The following BLOC1S3 variants were observed in gnomAD, a reference collection of about 807,000 sequenced individuals.
BLOC1S3 encodes the protein biogenesis of lysosome-related organelles complex 1 subunit 3.
BLOC1S3 carries 7 observed loss-of-function variants against 9.1 expected under a neutral mutation model. The ratio of observed to expected loss-of-function variants is 0.77; its 90% confidence interval spans 0.44 to 1.45. The LOEUF is 1.45. Ranked by LOEUF, BLOC1S3 falls within the 40% of genes most tolerant of loss-of-function variation. The pLI is 0.01. For synonymous variants in BLOC1S3, 145 were observed against 158.4 expected (o/e 0.92, Z 0.64); for missense variants, 307 against 315.2 (o/e 0.97, Z 0.20).
At chr19:45,195,443 G>A (rs62118473) in intron 2 of BLOC1S3, among the ~76,000 whole-genome samples, 35,275 of 151,932 alleles carry the variant, frequency 0.23, 4,795 homozygotes, top group Non-Finnish European at 0.3. Flanking sequence ...CTGCACTCAA[G>A]TGATCCGCCC....
intron 2 of BLOC1S3, among the ~76,000 whole-genome samples, chr19:45,197,879 GA>G (rs1438506392): frequency 7.0e-6 from 1 of 143,096 alleles, no homozygotes; most frequent in Non-Finnish European, 1.5e-5. Flanking sequence ...GGGAGTCCAT[GA>G]AAAATCTCTA....
intron 3 of BLOC1S3, chr19:45,212,953 G>A (rs1969791237): frequency 1.3e-5 from 16 of 1,204,104 alleles, no homozygotes; most frequent in Non-Finnish European, 1.6e-5. Context: ...ACATCTAAGG[G>A]TCTTTCTATC....
intron 2 of BLOC1S3, among the ~76,000 whole-genome samples, chr19:45,192,239 G>A (rs997535720): frequency 4.6e-5 from 7 of 152,110 alleles, no homozygotes; most frequent in African/African-American, 1.2e-4. Context: ...GGCTACTGCC[G>A]GTGTTCATTT....
intron 2 of BLOC1S3, among the ~76,000 whole-genome samples, chr19:45,192,408 C>G (rs1969612842): frequency 6.6e-6 from 1 of 152,164 alleles, no homozygotes; most frequent in South Asian, 2.1e-4. Context: ...ACTTGGTGCT[C>G]TACTCCACTG....
intron 3 of BLOC1S3, among the ~76,000 whole-genome samples, chr19:45,204,600 T>G (rs1457394431): frequency 6.6e-6 from 1 of 152,202 alleles, no homozygotes; most frequent in Non-Finnish European, 1.5e-5. Context: ...AGATGGCGTC[T>G]TACATGTCTG....
chr19:45,182,578 C>T (rs1377555544), downstream of BLOC1S3, among the ~76,000 whole-genome samples: 1 of 152,076 alleles, frequency 6.6e-6, no homozygotes, highest in Non-Finnish European at 1.5e-5. Flanking sequence ...GCAGGAGAAT[C>T]GCTTGAGCCC....
At chr19:45,205,073 A>G (rs1286073452) in intron 3 of BLOC1S3, among the ~76,000 whole-genome samples, 4 of 152,086 alleles carry the variant, frequency 2.6e-5, no homozygotes, top group Non-Finnish European at 5.9e-5. Flanking sequence ...TAATAATTGC[A>G]TTGACTCTAA....
At chr19:45,216,168 G>C (rs34958174) in intron 3 of BLOC1S3, 3 of 1,613,856 alleles carry the variant, frequency 1.9e-6, no homozygotes, top group Admixed American at 3.3e-5. Context: ...GGGGCACCAC[G>C]GCATCCAGCC....
downstream of BLOC1S3, among the ~76,000 whole-genome samples, chr19:45,185,154 A>G (rs1333892087): frequency 6.6e-6 from 1 of 151,996 alleles, no homozygotes; most frequent in African/African-American, 2.4e-5. Context: ...GGGGTAAGAG[A>G]GACTATTTGT....
At chr19:45,204,140 G>A (rs1969710349) in intron 3 of BLOC1S3, among the ~76,000 whole-genome samples, 1 of 151,236 alleles carries the variant, frequency 6.6e-6, no homozygotes, top group Non-Finnish European at 1.5e-5. Context: ...CCGAGTAGCT[G>A]GGATTACAGG....
At chr19:45,201,673 T>C (rs887486869) in intron 2 of BLOC1S3, among the ~76,000 whole-genome samples, 2 of 152,160 alleles carry the variant, frequency 1.3e-5, no homozygotes, top group Admixed American at 6.5e-5. Flanking sequence ...GTGGCTGAGC[T>C]GGCACCCAAG....
chr19:45,214,029 G>A (rs1969807616), intron 3 of BLOC1S3, among the ~76,000 whole-genome samples: 1 of 151,864 alleles, frequency 6.6e-6, no homozygotes, highest in Non-Finnish European at 1.5e-5. Context: ...CTAATCTCAA[G>A]CTCAACCCCC....
At chr19:45,186,773 A>T (rs548094609), downstream of BLOC1S3, among the ~76,000 whole-genome samples, 1 of 152,182 alleles carries the variant, frequency 6.6e-6, no homozygotes, top group African/African-American at 2.4e-5. Context: ...TCAACACCAC[A>T]GTCTTTACTG....
chr19:45,206,893 A>T (rs1312087846), intron 3 of BLOC1S3, among the ~76,000 whole-genome samples: 1 of 152,122 alleles, frequency 6.6e-6, no homozygotes, highest in Non-Finnish European at 1.5e-5. Flanking sequence ...GCTGGAGAGC[A>T]GTGGCACGAC....
intron 2 of BLOC1S3, among the ~76,000 whole-genome samples, chr19:45,200,960 G>C (rs1478023582): frequency 6.6e-6 from 1 of 152,152 alleles, no homozygotes; most frequent in African/African-American, 2.4e-5. Context: ...CCAGCACATT[G>C]GGCAGCCTAG....
At chr19:45,185,271 GC>G (rs1969558594), downstream of BLOC1S3, among the ~76,000 whole-genome samples, 1 of 152,186 alleles carries the variant, frequency 6.6e-6, no homozygotes. Flanking sequence ...CGGGGCTGAG[GC>G]TGTCTTGGCC....
intron 2 of BLOC1S3, among the ~76,000 whole-genome samples, chr19:45,194,518 A>C (rs1969632896): frequency 6.6e-6 from 1 of 152,206 alleles, no homozygotes; most frequent in Non-Finnish European, 1.5e-5. Flanking sequence ...GTGTTCCAAA[A>C]GACAGTGTGC....
chr19:45,200,159 G>C (rs958949445), intron 2 of BLOC1S3, among the ~76,000 whole-genome samples: 5 of 150,454 alleles, frequency 3.3e-5, no homozygotes, highest in Admixed American at 2.0e-4. Flanking sequence ...TCTTCAGTGT[G>C]TCAGTTGAAT....
chr19:45,210,707 G>C (rs898501864), intron 3 of BLOC1S3, among the ~76,000 whole-genome samples: 4 of 151,946 alleles, frequency 2.6e-5, no homozygotes, highest in Non-Finnish European at 2.9e-5. Flanking sequence ...GGCTTCAGGC[G>C]ATCCTCCCAC....
Sources: gnomAD v4.1 joint callset for allele counts (sites outside exome capture counted in the v4.1 genomes callset) on GRCh38, gnomAD v4.1.1 for gene constraint, MANE v1.5 for transcripts, NCBI Gene and HGNC (gene_info 2026-07-23, HGNC 2026-07-21) for gene names.